Variants in ERAP1 observed in about 807,000 individuals in gnomAD.
ERAP1 encodes the protein adipocyte-derived leucine aminopeptidase.
ERAP1 carries 86 observed loss-of-function variants against 103.7 expected under a neutral mutation model. That is an observed-to-expected ratio of 0.83 (90% CI 0.70 to 0.99). The LOEUF (loss-of-function observed/expected upper bound fraction) is 0.99. Ranked by LOEUF, ERAP1 falls within the 50% of genes least tolerant of loss-of-function variation. The probability of loss-of-function intolerance (pLI) is 0.00; values close to 1 mark genes in which losing one functional copy is unlikely to be tolerated. For missense variants in ERAP1, 1,009 were observed against 1,128.4 expected (o/e 0.89, Z 1.52); for synonymous variants, 398 against 402.4 (o/e 0.99, Z 0.13).
At chr5:96,765,997 T>A in intron 19 of ERAP1, 1 of 982,190 alleles carries the variant, frequency 1.0e-6, no homozygotes, top group Non-Finnish European at 1.6e-6. Context: ...TGACAATGTA[T>A]TTTCTAAGTG....
the ERAP1 span, among the ~76,000 whole-genome samples, chr5:96,866,909 T>C: frequency 1.3e-5 from 2 of 152,316 alleles, no homozygotes; most frequent in Middle Eastern, 3.4e-3. Context: ...ACCAGCTACG[T>C]TTCCTTGATG....
At chr5:96,895,129 A>G in the ERAP1 span, 1 of 614,132 alleles carries the variant, frequency 1.6e-6, no homozygotes, top group Non-Finnish European at 2.8e-6. Flanking sequence ...AAGGGTAGCA[A>G]AGAGAGAAGA....
the ERAP1 span, among the ~76,000 whole-genome samples, chr5:96,864,058 G>T: frequency 2.6e-5 from 4 of 151,958 alleles, no homozygotes; most frequent in African/African-American, 7.3e-5. Context: ...TTCTAAAGGT[G>T]GGTACATTCA....
rs914097272 is a variant in ERAP1, at chr5:96,784,180, A to G, written c.1944-100T>C. On this transcript the variant is annotated intron_variant, in intron 13 of 18. Transcript: ENST00000443439. Reference sequence around the variant, plus strand: ...TAATCTTCTAGCAAAACAAGCAATCAGATATAAATGTCCCTTATAAATAGA... The same window carrying G: ...TAATCTTCTAGCAAAACAAGCAATCGGATATAAATGTCCCTTATAAATAGA... The G allele has an allele frequency of 3.9e-6, 5 of 1,275,202 alleles. No individual in the cohort carries two copies. The African/African-American group carries it at 5.9e-5, about 15-fold the overall frequency. The allele number at this position is 1,275,202 out of a possible 1,614,324, so 79.0% of individuals were successfully genotyped here. A position where few individuals can be genotyped will look rare whatever the true frequency, so the allele number is the denominator to read the frequency against.
chr5:96,785,964 G>A lies in ERAP1; in HGVS notation c.1767C>T (p.Leu589=). Residue 589 remains leucine (L), a synonymous_variant, in exon 13 of 19, where the codon CTC becomes CTT. Coordinates refer to ENST00000443439, the MANE Select transcript of ERAP1 (RefSeq NM_001040458.3). ...RFLLKTKTDV[L]ILPEEVEWIK... is the part of the protein sequence containing the mutation. ...TCCATTCCACCTCTTCTGGGAGGAT[G>A]AGCACATCTAGAGTAAATAAAATAA... 2 of 1,613,978 alleles carry A rather than the reference G, an allele frequency of 1.2e-6. No individual in the cohort carries two copies. The highest frequency in any genetic ancestry group is 2.2e-5 in the East Asian group (1 of 44,884).
At position 96,783,864 on chromosome 5, in the gene ERAP1, CA is replaced by C. The variant is rs1440416523; in HGVS notation, c.2100+59del. 1.3e-5 allele frequency: 16 copies of C among 1,227,616 alleles called. 3 individuals are homozygous for C. The highest frequency in any genetic ancestry group is 1.8e-5 in the Non-Finnish European group (16 of 902,878). The allele number at this position is 1,227,616 out of a possible 1,614,324, so 76.0% of individuals were successfully genotyped here. On this transcript the variant is annotated intron_variant, in intron 14 of 18. Transcript: ENST00000443439. ...ACACACACACACACACATACACACACAATGATTAACACTTTTTAACACAAAT... is the reference window on the plus strand; with the variant it reads ...ACACACACACACACACATACACACACATGATTAACACTTTTTAACACAAAT...
chr5:96,787,715 G>T (rs977200150), intron 11 of ERAP1, among the ~76,000 whole-genome samples: 2 of 151,964 alleles, frequency 1.3e-5, no homozygotes, highest in Admixed American at 1.3e-4. Flanking sequence ...TAGATAGATG[G>T]ATATCGATTA....
At chr5:96,871,663 C>T in the ERAP1 span, among the ~76,000 whole-genome samples, 4 of 152,090 alleles carry the variant, frequency 2.6e-5, no homozygotes, top group Non-Finnish European at 4.4e-5. Flanking sequence ...TTTCATTTGG[C>T]TACTAAATAA....
rs184365904 is a variant in ERAP1, at chr5:96,786,431, T to C, written c.1759+39A>G. 4,551 of 1,335,440 alleles carry C rather than the reference T, an allele frequency of 3.4e-3. 15 individuals carry two copies. Among genetic ancestry groups the C allele is most frequent in the Admixed American group, 4.8e-3 (286 of 59,200 alleles). The allele number at this position is 1,335,440 out of a possible 1,614,324, so 82.7% of individuals were successfully genotyped here. A position where few individuals can be genotyped will look rare whatever the true frequency, so the allele number is the denominator to read the frequency against. On this transcript the variant is annotated intron_variant, in intron 12 of 18. Coordinates refer to ENST00000443439, the MANE Select transcript of ERAP1 (RefSeq NM_001040458.3). ...ACTTTAATCCTACACATTTTCACAT[T>C]CCTCCTTGAATTAACTAGTAGTTTC... is the stretch of plus-strand genomic sequence containing the variant.
chr5:96,900,972 G>A, the ERAP1 span, among the ~76,000 whole-genome samples: 3 of 152,124 alleles, frequency 2.0e-5, no homozygotes, highest in African/African-American at 4.8e-5. Context: ...GCCCTAAATT[G>A]TGTTTTCTAA....
chr5:96,884,555 T>TTTTGTTTGTTTGTTTG, the ERAP1 span, among the ~76,000 whole-genome samples: 1 of 151,156 alleles, frequency 6.6e-6, no homozygotes, highest in South Asian at 2.1e-4. Context: ...TATACAAGTT[T>TTTTGTTTGTTTGTTTG]TTTGTTTGTT....
the ERAP1 span, among the ~76,000 whole-genome samples, chr5:96,814,475 C>CAT: frequency 6.6e-6 from 1 of 151,902 alleles, no homozygotes; most frequent in African/African-American, 2.4e-5. Flanking sequence ...GGGAAGGAGA[C>CAT]ATATATCAAA....
chr5:96,787,982 T>G (rs1178685464), intron 11 of ERAP1, among the ~76,000 whole-genome samples: 2 of 152,122 alleles, frequency 1.3e-5, no homozygotes, highest in South Asian at 4.1e-4. Context: ...GTGTTATTCT[T>G]GTAACTTCTC....
the ERAP1 span, chr5:96,918,614 T>G: frequency 6.6e-6 from 1 of 152,090 alleles, no homozygotes; most frequent in African/African-American, 2.4e-5. Flanking sequence ...AGGAATATAA[T>G]TCATACCATT....
chr5:96,814,698 G>A, the ERAP1 span, among the ~76,000 whole-genome samples: 1 of 152,200 alleles, frequency 6.6e-6, no homozygotes, highest in African/African-American at 2.4e-5. Flanking sequence ...AAAGAAGGCA[G>A]CTGACATCCT....
the ERAP1 span, chr5:96,896,924 G>GCTGTC: frequency 6.8e-7 from 1 of 1,478,498 alleles, no homozygotes; most frequent in East Asian, 2.4e-5. Flanking sequence ...CAGAATAATT[G>GCTGTC]TGAATGTTTA....
the ERAP1 span, chr5:96,876,246 A>G: frequency 6.6e-6 from 1 of 152,326 alleles, no homozygotes; most frequent in Admixed American, 6.5e-5. Context: ...CCCTGGGGAC[A>G]AGGGAAGGGA....
exon 20 of ERAP1, chr5:96,763,055 A>G: frequency 1.3e-6 from 1 of 759,964 alleles, no homozygotes; most frequent in Admixed American, 1.7e-5. Context: ...GCCCTAAACC[A>G]GATCCCCATC....
chr5:96,798,239 G>A (rs1020944189), intron 3 of ERAP1, among the ~76,000 whole-genome samples: 1 of 146,656 alleles, frequency 6.8e-6, no homozygotes, highest in Non-Finnish European at 1.5e-5. Flanking sequence ...GCAGGAGAAT[G>A]GCATGAACCC....
Sources: allele counts gnomAD v4.1 joint callset (sites outside exome capture counted in the v4.1 genomes callset), GRCh38; gene constraint gnomAD v4.1.1; transcripts MANE v1.5; gene names NCBI Gene and HGNC (gene_info 2026-07-23, HGNC 2026-07-21).